The following UNC5C variants were observed in gnomAD, a reference collection of about 807,000 sequenced individuals.
The protein encoded by UNC5C is unc-5 netrin receptor C, also known as netrin receptor UNC5C.
In UNC5C, 47 loss-of-function variants were observed where a neutral mutation model predicts 99.8. The observed-to-expected ratio is 0.47, with a 90% CI of 0.37 to 0.60. The LOEUF is 0.60. Among genes scored for constraint, UNC5C ranks in the 20% least tolerant of loss-of-function variants. UNC5C has a pLI of 0.00. For synonymous variants in UNC5C, 487 were observed against 452.2 expected (o/e 1.08, Z -0.98); for missense variants, 1,062 against 1,165.9 (o/e 0.91, Z 1.30).
At chr4:95,209,549 TTAAA>T (rs1738004542) in intron 10 of UNC5C, among the ~76,000 whole-genome samples, 1 of 152,226 alleles carries the variant, frequency 6.6e-6, no homozygotes, top group Admixed American at 6.5e-5. Context: ...TCCGTTCTCT[TTAAA>T]TAACAATACC....
intron 14 of UNC5C, among the ~76,000 whole-genome samples, chr4:95,176,173 T>G (rs1198684841): frequency 2.0e-5 from 3 of 152,058 alleles, no homozygotes; most frequent in African/African-American, 7.2e-5. Context: ...TTCAACTTCT[T>G]TGCCTTTGGT....
intron 1 of UNC5C, among the ~76,000 whole-genome samples, chr4:95,497,382 C>A (rs1721658426): frequency 6.6e-6 from 1 of 151,924 alleles, no homozygotes; most frequent in Non-Finnish European, 1.5e-5. Flanking sequence ...CATTTAAGAG[C>A]AGTTAAACTT....
At chr4:95,436,502 G>T (rs1207191460) in intron 1 of UNC5C, among the ~76,000 whole-genome samples, 2 of 151,920 alleles carry the variant, frequency 1.3e-5, no homozygotes, top group Admixed American at 1.3e-4. Flanking sequence ...TACAGAAACT[G>T]CTATGGATGG....
At chr4:95,440,219 C>T (rs1039151680) in intron 1 of UNC5C, among the ~76,000 whole-genome samples, 1 of 152,120 alleles carries the variant, frequency 6.6e-6, no homozygotes, top group Non-Finnish European at 1.5e-5. Context: ...GAAAGGGAGA[C>T]AGTAGATTGT....
chr4:95,214,151 A>C (rs1371791190), intron 10 of UNC5C, among the ~76,000 whole-genome samples: 1 of 152,244 alleles, frequency 6.6e-6, no homozygotes, highest in Non-Finnish European at 1.5e-5. Flanking sequence ...CCTAAAGCAC[A>C]TTCTTGCCAT....
Position 95,293,612 on chromosome 4 carries a change from C to A in UNC5C, c.490+7994G>T, listed in dbSNP as rs189698730. Among the ~76,000 whole-genome samples the A allele has an allele frequency of 1.6e-3, 242 of 152,110 alleles. 1 individual carries two copies. The highest frequency in any genetic ancestry group is 5.6e-3 in the African/African-American group (234 of 41,498). ...TGGGATTACAACGTAAGACATTGCA[C>A]CAGTTATAAACATTATGCATGTAGA... On this transcript the variant is annotated intron_variant, in intron 3 of 15. Coordinates refer to ENST00000453304, the MANE Select transcript of UNC5C (RefSeq NM_003728.4).
intron 1 of UNC5C, among the ~76,000 whole-genome samples, chr4:95,446,189 T>C: frequency 6.6e-6 from 1 of 150,770 alleles, no homozygotes; most frequent in Admixed American, 6.6e-5. Flanking sequence ...AAGTAGCAAA[T>C]AAGAAGAGGA....
intron 1 of UNC5C, among the ~76,000 whole-genome samples, chr4:95,375,244 G>C (rs765726666): frequency 5.3e-5 from 8 of 152,062 alleles, no homozygotes; most frequent in Non-Finnish European, 8.8e-5. Context: ...AAATGAATTA[G>C]AATTGGTTAT....
intron 1 of UNC5C, among the ~76,000 whole-genome samples, chr4:95,459,231 TATGTGGAGC>T (rs1747529617): frequency 6.6e-6 from 1 of 152,188 alleles, no homozygotes; most frequent in African/African-American, 2.4e-5. Context: ...CATCGCTTCC[TATGTGGAGC>T]ATAGTCAAGT....
chr4:95,414,178 G>C (rs920749992), intron 1 of UNC5C, among the ~76,000 whole-genome samples: 3 of 152,064 alleles, frequency 2.0e-5, no homozygotes, highest in African/African-American at 7.2e-5. Flanking sequence ...TAAATTTCCT[G>C]TTGCAGTTTC....
At chr4:95,534,771 G>T (rs1722733171) in intron 1 of UNC5C, among the ~76,000 whole-genome samples, 1 of 152,010 alleles carries the variant, frequency 6.6e-6, no homozygotes. Context: ...TAAGAGTAGG[G>T]TACCTAATTA....
chr4:95,517,039 G>A (rs901023809), intron 1 of UNC5C, among the ~76,000 whole-genome samples: 1 of 152,098 alleles, frequency 6.6e-6, no homozygotes, highest in Admixed American at 6.5e-5. Context: ...TTTCCTTTCT[G>A]TAAACTAGGG....
At chr4:95,465,677 T>C (rs985146599) in intron 1 of UNC5C, among the ~76,000 whole-genome samples, 3 of 152,100 alleles carry the variant, frequency 2.0e-5, no homozygotes, top group Non-Finnish European at 4.4e-5. Flanking sequence ...TATTTTAGGA[T>C]CTACAGCAAT....
At chr4:95,346,610 AT>A in intron 1 of UNC5C, among the ~76,000 whole-genome samples, 1 of 152,196 alleles carries the variant, frequency 6.6e-6, no homozygotes, top group South Asian at 2.1e-4. Context: ...TATCCCAGGC[AT>A]TCAAGGATAG....
At position 95,231,285 on chromosome 4, in the gene UNC5C, A is replaced by C. The variant is rs113254004; in HGVS notation, c.1109-11109T>G. 6.1e-3 allele frequency among the ~76,000 whole-genome samples: 932 copies of C among 152,262 alleles called. 15 individuals are homozygous for C. The highest frequency in any genetic ancestry group is 0.021 in the African/African-American group (887 of 41,564). On this transcript the variant is annotated intron_variant, in intron 7 of 15. Coordinates refer to ENST00000453304, the MANE Select transcript of UNC5C (RefSeq NM_003728.4). Reference sequence around the variant, plus strand: ...ATATGGAGCTGCTTCTATGACCTTAATACCCGTAAATAGATTTTAGGATAC... The same window carrying C: ...ATATGGAGCTGCTTCTATGACCTTACTACCCGTAAATAGATTTTAGGATAC...
intron 1 of UNC5C, among the ~76,000 whole-genome samples, chr4:95,472,972 T>A (rs1246090316): frequency 6.6e-6 from 1 of 151,988 alleles, no homozygotes; most frequent in Non-Finnish European, 1.5e-5. Context: ...TTTTATCATA[T>A]CCCTTATGCT....
In UNC5C at chr4:95,344,537, A is replaced by T. The variant is rs534442281; in HGVS notation, c.125-8906T>A. ...ACTGGTAATAGCAAGTATACGAAAA[A>T]CACACAATATTATAACGTTATAATT... On this transcript the variant is annotated intron_variant, in intron 1 of 15. Coordinates refer to ENST00000453304, the MANE Select transcript of UNC5C (RefSeq NM_003728.4). Among the ~76,000 whole-genome samples, 16 of 152,220 alleles carry T rather than the reference A, an allele frequency of 1.1e-4. No individual in the cohort carries two copies. In the East Asian group the frequency reaches 2.5e-3, roughly 24 times the overall value.
At chr4:95,248,379 G>A (rs1412783801) in intron 5 of UNC5C, 1 of 340,330 alleles carries the variant, frequency 2.9e-6, no homozygotes, top group Non-Finnish European at 5.7e-6. Flanking sequence ...AGAGTAGCAA[G>A]TTATGAAAAA....
intron 14 of UNC5C, among the ~76,000 whole-genome samples, chr4:95,175,871 T>C (rs1242833960): frequency 6.6e-6 from 1 of 151,824 alleles, no homozygotes; most frequent in African/African-American, 2.4e-5. Flanking sequence ...CCCATCACTT[T>C]CAGGTACACC....
Sources: allele counts gnomAD v4.1 joint callset (sites outside exome capture counted in the v4.1 genomes callset), GRCh38; gene constraint gnomAD v4.1.1; transcripts MANE v1.5; gene names NCBI Gene and HGNC (gene_info 2026-07-23, HGNC 2026-07-21).